The following CAMTA1 variants were observed in gnomAD, a reference collection of about 807,000 sequenced individuals.
CAMTA1 encodes calmodulin binding transcription activator 1.
Under a neutral mutation model 170.9 loss-of-function variants are expected in CAMTA1, and 27 were observed. That is an observed-to-expected ratio of 0.16 (90% CI 0.12 to 0.22). The LOEUF (loss-of-function observed/expected upper bound fraction) is 0.22. Among genes scored for constraint, CAMTA1 ranks in the 10% least tolerant of loss-of-function variants. The pLI is 1.00. For missense variants in CAMTA1, 1,619 were observed against 2,217.2 expected (o/e 0.73, Z 5.42); for synonymous variants, 833 against 891.5 (o/e 0.93, Z 1.17).
In CAMTA1 at chr1:7,173,100, C is replaced by G. The variant is rs142871915; in HGVS notation, c.303-76391C>G. On this transcript the variant is annotated intron_variant, in intron 4 of 22. Transcript: ENST00000303635. This position sits in a 1 kb window ranked among gnomAD's most constrained non-coding sequence, Gnocchi z 5.4. ...AAGCAAGAGCAGCCAGACGCTGCGT[C>G]CCTCCTGTCTCTTCAGCTGCGCCTT... Among the ~76,000 whole-genome samples, 523 of 152,302 alleles carry G rather than the reference C, an allele frequency of 3.4e-3. 5 individuals are homozygous for G. The highest frequency in any genetic ancestry group is 0.012 in the African/African-American group (498 of 41,552).
chr1:6,981,727 T>G (rs139495832), intron 3 of CAMTA1, among the ~76,000 whole-genome samples: 74 of 152,254 alleles, frequency 4.9e-4, no homozygotes, highest in African/African-American at 1.7e-3. Flanking sequence ...TGAGCCACCA[T>G]GCCTGGCCTA....
chr1:7,069,356 A>T (rs1467933606), intron 3 of CAMTA1, among the ~76,000 whole-genome samples: 1 of 152,202 alleles, frequency 6.6e-6, no homozygotes, highest in Non-Finnish European at 1.5e-5. Context: ...TAAGTGGTGG[A>T]ACCAGAATTA....
At position 7,631,556 on chromosome 1, in the gene CAMTA1, T is replaced by A. The variant is rs566977278; in HGVS notation, c.511-8844T>A. ...GAAAACAGAAATGCCCACTGGGAGGTATGTGCTGTGGGTCCAGGCATGCTC... is the reference window on the plus strand; with the variant it reads ...GAAAACAGAAATGCCCACTGGGAGGAATGTGCTGTGGGTCCAGGCATGCTC... On this transcript the variant is annotated intron_variant, in intron 6 of 22. Coordinates refer to ENST00000303635, the MANE Select transcript of CAMTA1 (RefSeq NM_015215.4). 3.9e-5 allele frequency among the ~76,000 whole-genome samples: 6 copies of A among 151,922 alleles called. No individual in the cohort carries two copies. In the South Asian group the frequency reaches 1.3e-3, roughly 32 times the overall value.
chr1:7,315,723 G>A (rs1473889021), intron 5 of CAMTA1, among the ~76,000 whole-genome samples: 3 of 152,166 alleles, frequency 2.0e-5, no homozygotes, highest in African/African-American at 2.4e-5. Flanking sequence ...AGGCTCCCTC[G>A]TAGCCTTTAG....
chr1:7,125,345 C>T (rs1231768758), intron 4 of CAMTA1, among the ~76,000 whole-genome samples: 6 of 152,156 alleles, frequency 3.9e-5, no homozygotes, highest in African/African-American at 1.4e-4. Context: ...GTTGGTTGAG[C>T]CCCTCCTGTG....
At chr1:6,936,505 G>T (rs1685329015) in intron 3 of CAMTA1, among the ~76,000 whole-genome samples, 1 of 152,052 alleles carries the variant, frequency 6.6e-6, no homozygotes, top group Non-Finnish European at 1.5e-5. Flanking sequence ...GCTAACTCAG[G>T]GGTTGGGGGA....
chr1:7,585,781 C>T lies in CAMTA1; in HGVS notation c.511-54619C>T, dbSNP rs117016959. ...CTTGTGGACAGACAGGCCAGAGACA[C>T]GGCTCATCTGTCCCTCATCCACCTC... On this transcript the variant is annotated intron_variant, in intron 6 of 22. Transcript: ENST00000303635. The surrounding 1 kb of genome is among the most constrained non-coding windows in gnomAD (Gnocchi z 4.8). 3.7e-4 allele frequency among the ~76,000 whole-genome samples: 56 copies of T among 151,114 alleles called. 1 individual carries two copies. The East Asian group carries it at 8.3e-3, about 22-fold the overall frequency.
At chr1:7,118,254 G>T (rs1164486120) in intron 4 of CAMTA1, among the ~76,000 whole-genome samples, 2 of 151,506 alleles carry the variant, frequency 1.3e-5, no homozygotes, top group African/African-American at 4.9e-5. Context: ...TACAGGAGTG[G>T]CAGGGGTCAG....
intron 4 of CAMTA1, among the ~76,000 whole-genome samples, chr1:7,185,502 A>G (rs1477049568): frequency 6.6e-6 from 1 of 152,186 alleles, no homozygotes; most frequent in Non-Finnish European, 1.5e-5. Context: ...AAAAGAAGGA[A>G]TAGTGTTTCT....
At position 7,498,364 on chromosome 1, in the gene CAMTA1, G is replaced by A. The variant is rs1048858590; in HGVS notation, c.510+30463G>A. Among the ~76,000 whole-genome samples the A allele has an allele frequency of 4.9e-4, 67 of 137,768 alleles. 1 individual carries two copies. Among genetic ancestry groups the A allele is most frequent in the Admixed American group, 4.6e-3 (66 of 14,224 alleles). 90.4% of individuals were successfully genotyped at this position (137,768 alleles called of 152,430 possible). A position where few individuals can be genotyped will look rare whatever the true frequency, so the allele number is the denominator to read the frequency against. ...TATGAGTGTGTGTAGAGTGAGTGTG[G>A]ATGTGTGTGTATGAGTGGATGTGTG... On this transcript the variant is annotated intron_variant, in intron 6 of 22. Transcript: ENST00000303635.
In CAMTA1 at chr1:6,941,781, G is replaced by A. The variant is rs72638551; in HGVS notation, c.234+116571G>A. Among the ~76,000 whole-genome samples the A allele has an allele frequency of 2.0e-3, 298 of 152,346 alleles. 1 individual carries two copies. The highest frequency in any genetic ancestry group is 3.2e-3 in the Non-Finnish European group (218 of 68,034). On this transcript the variant is annotated intron_variant, in intron 3 of 22. Coordinates refer to ENST00000303635, the MANE Select transcript of CAMTA1 (RefSeq NM_015215.4). ...GAAGGGTGGAGGCCGTACAGGTGAG[G>A]CCTGCAGTTCTGCTCCTGTGCCCAG... is the stretch of plus-strand genomic sequence containing the variant.
At chr1:7,705,282 C>T (rs1250133648) in intron 11 of CAMTA1, among the ~76,000 whole-genome samples, 1 of 150,044 alleles carries the variant, frequency 6.7e-6, no homozygotes, top group Non-Finnish European at 1.5e-5. Context: ...GGGAGACACG[C>T]GTGTCCATGC....
At chr1:7,337,615 AAT>A in intron 5 of CAMTA1, among the ~76,000 whole-genome samples, 3 of 150,740 alleles carry the variant, frequency 2.0e-5, no homozygotes, top group East Asian at 1.9e-4. Flanking sequence ...ATCCAATCAC[AAT>A]GTGGGCGGTG....
chr1:7,659,433 C>T (rs555433051), intron 7 of CAMTA1, among the ~76,000 whole-genome samples: 1 of 152,264 alleles, frequency 6.6e-6, no homozygotes, highest in African/African-American at 2.4e-5. Flanking sequence ...ATTCAGGAGG[C>T]TGAGGCAGAA....
intron 3 of CAMTA1, among the ~76,000 whole-genome samples, chr1:6,871,015 T>TA (rs1668260616): frequency 6.6e-6 from 1 of 152,226 alleles, no homozygotes; most frequent in South Asian, 2.1e-4. Flanking sequence ...ACCATAGGTC[T>TA]ATCCTTTTAA....
rs75533461 is a variant in CAMTA1, at chr1:7,611,346, C to T, written c.511-29054C>T. Among the ~76,000 whole-genome samples the T allele has an allele frequency of 6.7e-3, 1,022 of 152,270 alleles. 12 individuals are homozygous for T. The highest frequency in any genetic ancestry group is 0.023 in the African/African-American group (958 of 41,526). On this transcript the variant is annotated intron_variant, in intron 6 of 22. Transcript: ENST00000303635. ...CTCCGTTACTGAGTTTTCTGGCACC[C>T]CCTTAAATTTTGTGGCCAAGACAAG...
At chr1:7,501,844 G>C (rs1409650865) in intron 6 of CAMTA1, among the ~76,000 whole-genome samples, 4 of 152,068 alleles carry the variant, frequency 2.6e-5, no homozygotes, top group Non-Finnish European at 5.9e-5. Context: ...ACACCCACTG[G>C]GATCCAAATT....
intron 5 of CAMTA1, among the ~76,000 whole-genome samples, chr1:7,337,792 C>T (rs986829111): frequency 6.6e-5 from 10 of 152,168 alleles, no homozygotes; most frequent in African/African-American, 2.2e-4. Context: ...CTCCAGGCTG[C>T]AACCTAGAAG....
rs1679150631 is a variant in CAMTA1, at chr1:7,325,551, G to A, written c.438+75925G>A. ...GAGAGGTGGTGATGACTTGCTCCAGGGTGTAGCCAGGTGGATGGGGAGAAA... is the reference window on the plus strand; with the variant it reads ...GAGAGGTGGTGATGACTTGCTCCAGAGTGTAGCCAGGTGGATGGGGAGAAA... On this transcript the variant is annotated intron_variant, in intron 5 of 22. Transcript: ENST00000303635. The surrounding 1 kb of genome is among the most constrained non-coding windows in gnomAD (Gnocchi z 5.0). Among the ~76,000 whole-genome samples, 1 of 152,170 alleles carries A rather than the reference G, an allele frequency of 6.6e-6. No homozygotes were observed. The highest frequency in any genetic ancestry group is 2.4e-5 in the African/African-American group (1 of 41,452).
Sources: gnomAD v4.1 joint callset for allele counts (sites outside exome capture counted in the v4.1 genomes callset) on GRCh38, gnomAD v4.1.1 for gene constraint, Gnocchi (gnomAD v3.1) non-coding constraint, MANE v1.5 for transcripts, NCBI Gene and HGNC (gene_info 2026-07-23, HGNC 2026-07-21) for gene names.